The following DKK3 variants were observed in gnomAD, a reference collection of about 807,000 sequenced individuals.
DKK3 encodes dickkopf Wnt signaling pathway inhibitor 3, also known as dickkopf-related protein 3.
A neutral mutation model predicts 33.2 loss-of-function variants in DKK3; 22 were observed. That is an observed-to-expected ratio of 0.66 (90% confidence interval 0.47 to 0.95). DKK3 has a LOEUF of 0.95. Ranked by LOEUF, DKK3 falls within the 40% of genes least tolerant of loss-of-function variation. The pLI is 0.00. For synonymous variants in DKK3, 194 were observed against 188.8 expected (o/e 1.03, Z -0.23); for missense variants, 398 against 458.4 (o/e 0.87, Z 1.20).
At chr11:12,008,693 C>T (rs1436024057), upstream of DKK3, 1 of 1,215,342 alleles carries the variant, frequency 8.2e-7, no homozygotes, top group Non-Finnish European at 1.0e-6. The surrounding 1 kb of genome is among the most constrained non-coding windows in gnomAD (Gnocchi z 4.6). Flanking sequence ...CCCCGCCGCC[C>T]GCCCCTGGCG....
intron 3 of DKK3, 96 bp from the exon 4 acceptor site, chr11:11,968,583 C>T (rs1176748492): frequency 1.7e-6 from 2 of 1,209,102 alleles, no homozygotes; most frequent in African/African-American, 1.5e-5. Context: ...ATTCCCCATT[C>T]TTGACCCCAC....
chr11:12,000,040 T>C (rs1442408307), intron 2 of DKK3, among the ~76,000 whole-genome samples: 1 of 152,256 alleles, frequency 6.6e-6, no homozygotes, highest in Non-Finnish European at 1.5e-5. Flanking sequence ...CCTGTATGTA[T>C]GGGTTGCATG....
intron 3 of DKK3, among the ~76,000 whole-genome samples, chr11:11,973,785 C>A (rs1250353421): frequency 6.6e-6 from 1 of 152,210 alleles, no homozygotes; most frequent in African/African-American, 2.4e-5. Context: ...AGGAGCCATT[C>A]AGAGTCTTTG....
intron 3 of DKK3, among the ~76,000 whole-genome samples, chr11:11,981,763 T>C (rs1054490168): frequency 1.3e-5 from 2 of 152,172 alleles, no homozygotes; most frequent in African/African-American, 4.8e-5. Flanking sequence ...CTCCACTTTA[T>C]AGCCCCATGA....
At chr11:11,978,853 G>C (rs777198231) in intron 3 of DKK3, 2 of 152,260 alleles carry the variant, frequency 1.3e-5, no homozygotes, top group Non-Finnish European at 2.9e-5. Context: ...CACTGAGAGA[G>C]GGCTGTTACT....
chr11:11,981,913 G>A (rs752643057), intron 3 of DKK3, among the ~76,000 whole-genome samples: 4 of 152,078 alleles, frequency 2.6e-5, no homozygotes, highest in Non-Finnish European at 4.4e-5. Context: ...CCCCAGCAGA[G>A]TTAGCATTCC....
intron 3 of DKK3, chr11:11,994,544 C>T (rs1848251884): frequency 1.3e-5 from 2 of 152,112 alleles, no homozygotes; most frequent in African/African-American, 4.8e-5. Flanking sequence ...TGATTGAGTC[C>T]CTCTAGAGGT....
intron 3 of DKK3, among the ~76,000 whole-genome samples, chr11:11,981,497 C>T (rs946446420): frequency 3.3e-5 from 5 of 152,198 alleles, no homozygotes; most frequent in African/African-American, 1.2e-4. Flanking sequence ...GTTTGGGTAA[C>T]AGATGCCCAG....
At chr11:12,006,847 C>T (rs1216874119) in intron 1 of DKK3, among the ~76,000 whole-genome samples, 3 of 152,146 alleles carry the variant, frequency 2.0e-5, no homozygotes, top group Non-Finnish European at 4.4e-5. Context: ...TCAGTCTTAC[C>T]GGGAATCTGT....
intron 2 of DKK3, 41 bp from the exon 3 acceptor site, chr11:11,998,820 T>G: frequency 3.9e-5 from 58 of 1,471,252 alleles, no homozygotes; most frequent in Middle Eastern, 1.7e-4. Flanking sequence ...ATAGAAGGAA[T>G]TCTGGACAAA....
chr11:11,993,677 G>A (rs1015012423), intron 3 of DKK3, among the ~76,000 whole-genome samples: 1 of 152,150 alleles, frequency 6.6e-6, no homozygotes, highest in African/African-American at 2.4e-5. Context: ...ACTGAATAAT[G>A]CAAGTGGGCC....
At chr11:11,989,282 T>C (rs945733946) in intron 3 of DKK3, among the ~76,000 whole-genome samples, 1 of 152,198 alleles carries the variant, frequency 6.6e-6, no homozygotes, top group Non-Finnish European at 1.5e-5. Context: ...AGCAGCATTA[T>C]TCACAATAGC....
chr11:11,987,907 G>A (rs1001667042), intron 3 of DKK3, among the ~76,000 whole-genome samples: 1 of 152,158 alleles, frequency 6.6e-6, no homozygotes. Flanking sequence ...GTAAACTACT[G>A]CTTCCTGCCA....
At chr11:11,985,083 C>G (rs929128985) in intron 3 of DKK3, among the ~76,000 whole-genome samples, 1 of 152,154 alleles carries the variant, frequency 6.6e-6, no homozygotes, top group African/African-American at 2.4e-5. Context: ...TGGCAAGAAA[C>G]GTGGAACTCC....
chr11:12,001,071 TG>T (rs1672995810), intron 2 of DKK3, among the ~76,000 whole-genome samples: 1 of 152,218 alleles, frequency 6.6e-6, no homozygotes, highest in African/African-American at 2.4e-5. Context: ...CACTAGTGAC[TG>T]GTAGGACTCA....
chr11:11,999,548 C>T (rs1381378973), intron 2 of DKK3, among the ~76,000 whole-genome samples: 42 of 152,324 alleles, frequency 2.8e-4, no homozygotes, highest in Admixed American at 2.7e-3. Context: ...TTGCTTGAAC[C>T]TGGGCTGCAG....
At chr11:11,976,639 G>T (rs1274338243) in intron 3 of DKK3, among the ~76,000 whole-genome samples, 2 of 152,226 alleles carry the variant, frequency 1.3e-5, no homozygotes, top group African/African-American at 4.8e-5. Flanking sequence ...TGTGAGGCAG[G>T]AGGGAACTCT....
chr11:11,996,957 A>G (rs536118355), intron 3 of DKK3, among the ~76,000 whole-genome samples: 15 of 152,338 alleles, frequency 9.8e-5, no homozygotes, highest in African/African-American at 2.4e-4. Flanking sequence ...CACAGCACAA[A>G]AGTGCAGGCA....
intron 3 of DKK3, among the ~76,000 whole-genome samples, chr11:11,987,603 C>T (rs1848097369): frequency 6.6e-6 from 1 of 151,614 alleles, no homozygotes; most frequent in African/African-American, 2.4e-5. Context: ...TAATGTCTGC[C>T]ATGTGCCCGG....
Sources: gnomAD v4.1 joint callset for allele counts (sites outside exome capture counted in the v4.1 genomes callset) on GRCh38, gnomAD v4.1.1 for gene constraint, Gnocchi (gnomAD v3.1) non-coding constraint, MANE v1.5 for transcripts, NCBI Gene and HGNC (gene_info 2026-07-23, HGNC 2026-07-21) for gene names.